The following PCDH15 variants were observed in gnomAD, a reference collection of about 807,000 sequenced individuals.
The protein encoded by PCDH15 is protocadherin-15.
Under a neutral mutation model 178.5 loss-of-function variants are expected in PCDH15, and 129 were observed. The observed-to-expected ratio is 0.72, with a 90% CI of 0.63 to 0.84. The LOEUF is 0.84. PCDH15 is among the 40% of genes least tolerant of loss of function. The probability of loss-of-function intolerance (pLI) is 0.00; values close to 1 mark genes in which losing one functional copy is unlikely to be tolerated. For missense variants in PCDH15, 2,230 were observed against 2,099.9 expected, an observed-to-expected ratio of 1.06 and a Z score of -1.21; for synonymous variants, 800 against 732.0, an observed-to-expected ratio of 1.09 and a Z score of -1.50.
At chr10:55,229,042 A>G (rs1452461267) in intron 1 of PCDH15, among the ~76,000 whole-genome samples, 1 of 151,996 alleles carries the variant, frequency 6.6e-6, no homozygotes, top group East Asian at 1.9e-4. Flanking sequence ...CCTCAAGTAT[A>G]GGAGTATCTT....
chr10:53,963,646 A>T (rs1037990126), intron 21 of PCDH15, among the ~76,000 whole-genome samples: 10 of 152,134 alleles, frequency 6.6e-5, no homozygotes, highest in African/African-American at 2.4e-4. Context: ...AACCAGAATG[A>T]TTTCATCTCC....
intron 3 of PCDH15, among the ~76,000 whole-genome samples, chr10:54,845,888 A>C (rs1289664469): frequency 6.6e-6 from 1 of 152,118 alleles, no homozygotes; most frequent in Non-Finnish European, 1.5e-5. Flanking sequence ...TTGTCACCAC[A>C]TCCAATGCCT....
intron 2 of PCDH15, among the ~76,000 whole-genome samples, chr10:55,547,891 GT>G (rs1282509390): frequency 4.5e-5 from 5 of 111,630 alleles, no homozygotes; most frequent in African/African-American, 2.1e-4. Context: ...GAGGTGGTGT[GT>G]GTGTCTGTGT....
intron 2 of PCDH15, among the ~76,000 whole-genome samples, chr10:55,132,111 G>T (rs1178300930): frequency 6.6e-6 from 1 of 152,130 alleles, no homozygotes; most frequent in Non-Finnish European, 1.5e-5. Context: ...CAGCTCCATG[G>T]AGTGTGTAGC....
intron 1 of PCDH15, among the ~76,000 whole-genome samples, chr10:55,233,084 T>C (rs1009756447): frequency 6.6e-6 from 1 of 152,126 alleles, no homozygotes; most frequent in African/African-American, 2.4e-5. Context: ...TAATTTTCTT[T>C]ACATTAAAAT....
intron 2 of PCDH15, among the ~76,000 whole-genome samples, chr10:55,113,512 A>C (rs183319807): frequency 6.6e-6 from 1 of 152,238 alleles, no homozygotes; most frequent in East Asian, 1.9e-4. Flanking sequence ...TGATATTGTA[A>C]CTGAGTAGCT....
chr10:54,080,842 G>A (rs1205866799), intron 16 of PCDH15, among the ~76,000 whole-genome samples: 2 of 152,068 alleles, frequency 1.3e-5, no homozygotes, highest in South Asian at 2.1e-4. Context: ...CAGTACAGAA[G>A]GTCCAGATAA....
chr10:54,531,618 C>A (rs1402456036), intron 2 of PCDH15, among the ~76,000 whole-genome samples: 1 of 152,152 alleles, frequency 6.6e-6, no homozygotes, highest in African/African-American at 2.4e-5. Flanking sequence ...TCTATTCCCA[C>A]TTTAGCCTAT....
chr10:55,302,410 G>T (rs1205624542), intron 1 of PCDH15, among the ~76,000 whole-genome samples: 3 of 152,074 alleles, frequency 2.0e-5, no homozygotes, highest in South Asian at 2.1e-4. Context: ...AGATGGGAGA[G>T]AGAAATTTGT....
intron 2 of PCDH15, among the ~76,000 whole-genome samples, chr10:55,464,239 GA>G (rs1839780155): frequency 6.6e-6 from 1 of 152,070 alleles, no homozygotes; most frequent in Non-Finnish European, 1.5e-5. Flanking sequence ...ACAATGATCA[GA>G]ACATCAGAAC....
At chr10:55,217,595 T>C (rs779841942) in intron 1 of PCDH15, among the ~76,000 whole-genome samples, 7 of 151,838 alleles carry the variant, frequency 4.6e-5, no homozygotes, top group African/African-American at 4.8e-5. Flanking sequence ...CTATTATTGA[T>C]CAAGGGACAT....
chr10:53,887,078 G>T (rs896108515), intron 26 of PCDH15, among the ~76,000 whole-genome samples: 3 of 152,134 alleles, frequency 2.0e-5, no homozygotes, highest in African/African-American at 7.2e-5. Context: ...CCTGGATTCT[G>T]AAACCAAGAA....
At chr10:55,292,950 C>T (rs1287986876) in intron 1 of PCDH15, among the ~76,000 whole-genome samples, 2 of 152,176 alleles carry the variant, frequency 1.3e-5, no homozygotes, top group East Asian at 1.9e-4. Flanking sequence ...CTGGCAGTGC[C>T]CCAGTAGGGA....
intron 2 of PCDH15, among the ~76,000 whole-genome samples, chr10:55,059,502 A>G (rs1841379962): frequency 6.6e-6 from 1 of 152,170 alleles, no homozygotes; most frequent in Admixed American, 6.6e-5. Context: ...TGTGCTAAAC[A>G]AAATACATTA....
At chr10:54,032,093 C>G (rs1179700474) in intron 18 of PCDH15, among the ~76,000 whole-genome samples, 2 of 151,380 alleles carry the variant, frequency 1.3e-5, no homozygotes, top group Non-Finnish European at 3.0e-5. Context: ...TCTCCAACTT[C>G]TTCATTCTCA....
chr10:55,179,854 G>A (rs1839593994), intron 1 of PCDH15, among the ~76,000 whole-genome samples: 2 of 151,886 alleles, frequency 1.3e-5, no homozygotes, highest in Admixed American at 1.3e-4. Context: ...GCAACTGGGT[G>A]ACACTCCCTC....
At chr10:55,604,878 C>A (rs1242727520) in intron 2 of PCDH15, among the ~76,000 whole-genome samples, 9 of 144,556 alleles carry the variant, frequency 6.2e-5, no homozygotes, top group Admixed American at 1.4e-4. Flanking sequence ...TAGCAGAAGG[C>A]AAGAAATAAC....
At chr10:54,266,889 C>G (rs2057727183) in intron 8 of PCDH15, among the ~76,000 whole-genome samples, 1 of 151,832 alleles carries the variant, frequency 6.6e-6, no homozygotes, top group South Asian at 2.1e-4. Flanking sequence ...TGAAACTATT[C>G]CAAAAAATCG....
rs539470383 is a variant in PCDH15 at position 55,596,584 on chromosome 10, C to A, written c.-156+31041G>T. Among the ~76,000 whole-genome samples, 19 of 152,118 alleles carry A rather than the reference C, an allele frequency of 1.2e-4. No individual in the cohort carries two copies. In the South Asian group the frequency reaches 2.5e-3, roughly 20 times the overall value. ...TAAAATATAATAAAAGATAGAAAAT[C>A]ACTTTATAATATTCAAAGTATTAAA... On this transcript the variant is annotated intron_variant, in intron 2 of 5. Coordinates refer to the PCDH15 transcript ENST00000613346.
Sources: gnomAD v4.1 joint callset for allele counts (sites outside exome capture counted in the v4.1 genomes callset) on GRCh38, gnomAD v4.1.1 for gene constraint, MANE v1.5 for transcripts, NCBI Gene and HGNC (gene_info 2026-07-23, HGNC 2026-07-21) for gene names.